The following ADD2 variants were observed in gnomAD, a reference collection of about 807,000 sequenced individuals.
The protein encoded by ADD2 is beta-adducin.
Under a neutral mutation model 83.0 loss-of-function variants are expected in ADD2, and 23 were observed. The observed-to-expected ratio is 0.28, with a 90% CI of 0.20 to 0.39. The LOEUF is 0.39. Ranked by LOEUF, ADD2 falls within the 10% of genes least tolerant of loss-of-function variation. The pLI is 1.00. For missense variants in ADD2, 758 were observed against 944.9 expected, an observed-to-expected ratio of 0.80 and a Z score of 2.59; for synonymous variants, 375 against 375.4, an observed-to-expected ratio of 1.00 and a Z score of 0.01.
At chr2:70,747,007 A>ATTTTTTTTTTTTTTTT (rs34113265) in intron 1 of ADD2, among the ~76,000 whole-genome samples, 1 of 121,226 alleles carries the variant, frequency 8.2e-6, no homozygotes. Flanking sequence ...TCCAATATGG[A>ATTTTTTTTTTTTTTTT]TTTTTTTTTT....
intron 9 of ADD2, among the ~76,000 whole-genome samples, chr2:70,685,564 G>A (rs549804084): frequency 1.1e-4 from 17 of 152,248 alleles, no homozygotes; most frequent in Middle Eastern, 3.4e-3. Flanking sequence ...CTTACCAACT[G>A]TGTGACTTTT....
At chr2:70,667,749 G>T (rs575197092) in intron 15 of ADD2, among the ~76,000 whole-genome samples, 6 of 152,218 alleles carry the variant, frequency 3.9e-5, no homozygotes, top group African/African-American at 1.2e-4. Context: ...CTCCCGAGTA[G>T]CTGGGATTAC....
In ADD2 at chr2:70,657,180, G is replaced by A. The variant is rs1675388411; in HGVS notation, c.*6245C>T. ...GGCCGGCATTTCAGTAGCAGAAAGAGTATTTACATGGAACCCCTATTTGAA... is the reference window on the plus strand; with the variant it reads ...GGCCGGCATTTCAGTAGCAGAAAGAATATTTACATGGAACCCCTATTTGAA... On this transcript the variant is annotated 3_prime_UTR_variant, in exon 16 of 16. Coordinates refer to ENST00000264436, the MANE Select transcript of ADD2 (RefSeq NM_001617.4). 2 of 152,100 alleles carry A rather than the reference G, an allele frequency of 1.3e-5. No individual in the cohort carries two copies. The highest frequency in any genetic ancestry group is 2.9e-5 in the Non-Finnish European group (2 of 68,020). 9.4% of individuals were successfully genotyped at this position (152,100 alleles called of 1,614,324 possible).
intron 1 of ADD2, among the ~76,000 whole-genome samples, chr2:70,715,943 G>T (rs1415018709): frequency 2.0e-5 from 3 of 151,964 alleles, no homozygotes; most frequent in Non-Finnish European, 4.4e-5. Context: ...ATGATCTCTG[G>T]TCCACAGTCC....
At chr2:70,738,577 A>C (rs1673708907) in intron 1 of ADD2, among the ~76,000 whole-genome samples, 2 of 152,236 alleles carry the variant, frequency 1.3e-5, no homozygotes, top group Admixed American at 1.3e-4. Flanking sequence ...CTACTCCTTG[A>C]GAGGCCACAG....
At chr2:70,752,120 G>A (rs1553383033) in intron 1 of ADD2, among the ~76,000 whole-genome samples, 2 of 152,090 alleles carry the variant, frequency 1.3e-5, no homozygotes, top group African/African-American at 2.4e-5. Flanking sequence ...TTTGCCAATG[G>A]ACATTTGCAA....
intron 13 of ADD2, 111 bp from the exon 14 acceptor site, chr2:70,674,936 G>A (rs868925858): frequency 2.5e-5 from 37 of 1,453,172 alleles, no homozygotes; most frequent in Middle Eastern, 4.6e-4. Flanking sequence ...TAGGGACAGC[G>A]TGGCATGCAG....
In ADD2 at chr2:70,692,435, T is replaced by C. The variant is rs200730724; in HGVS notation, c.673A>G (p.Ile225Val). 15 of 1,605,924 alleles carry C rather than the reference T, an allele frequency of 9.3e-6. No individual in the cohort carries two copies. The highest frequency in any genetic ancestry group is 9.0e-5 in the East Asian group (4 of 44,676). Residue 225 changes from isoleucine (I) to valine (V), a missense_variant, in exon 7 of 16, where the codon ATC becomes GTC. Physicochemically the swap from Ile to Val is conservative, Grantham distance 29. Coordinates refer to ENST00000264436, the MANE Select transcript of ADD2 (RefSeq NM_001617.4). ...IYAARPDVRCIIHLHTPATAA... is the reference protein window; with the variant it reads ...IYAARPDVRCVIHLHTPATAA... ...GTGGCCGGTGTGTGCAGGTGGATGA[T>C]GCAGCGCACGTCGGGCCTCGCTGCA...
At chr2:70,748,129 C>G (rs1553382361) in intron 1 of ADD2, among the ~76,000 whole-genome samples, 1 of 152,002 alleles carries the variant, frequency 6.6e-6, no homozygotes. Context: ...ATGGCACAAC[C>G]TCCATATAGT....
At chr2:70,683,210 G>A (rs558622570) in intron 10 of ADD2, among the ~76,000 whole-genome samples, 105 of 151,064 alleles carry the variant, frequency 7.0e-4, no homozygotes, top group African/African-American at 2.5e-3. Flanking sequence ...TTTTTTTTTA[G>A]TAGAGACAGT....
Position 70,676,714 on chromosome 2 carries a change from G to A in ADD2, c.1593+82C>T, listed in dbSNP as rs1208024162. On this transcript the variant is annotated intron_variant, in intron 13 of 15. Coordinates refer to ENST00000264436, the MANE Select transcript of ADD2 (RefSeq NM_001617.4). This position sits in a 1 kb window ranked among gnomAD's most constrained non-coding sequence, Gnocchi z 4.8. The stretch of plus-strand genomic sequence containing the variant: ...GGGAAGGTGGGTATGAGGACTCAGG[G>A]GTCCTGCAACCCAGCCCCAGGCACA... 1 of 1,590,706 alleles carries A rather than the reference G, an allele frequency of 6.3e-7. No individual in the cohort carries two copies. Among genetic ancestry groups the A allele is most frequent in the Non-Finnish European group, 8.6e-7 (1 of 1,167,420 alleles).
intron 5 of ADD2, 104 bp downstream of exon 5, chr2:70,696,141 G>T: frequency 6.9e-7 from 1 of 1,453,432 alleles, no homozygotes; most frequent in Non-Finnish European, 9.3e-7. Context: ...TTTAGCCAAA[G>T]GTCACCAGCA....
intron 15 of ADD2, among the ~76,000 whole-genome samples, chr2:70,664,347 C>A (rs1675668789): frequency 6.6e-6 from 1 of 152,146 alleles, no homozygotes; most frequent in African/African-American, 2.4e-5. Context: ...CACTGGGGCC[C>A]CCAGGTCTTT....
chr2:70,711,937 T>C (rs1672198747), intron 2 of ADD2, among the ~76,000 whole-genome samples: 1 of 152,156 alleles, frequency 6.6e-6, no homozygotes, highest in Non-Finnish European at 1.5e-5. Flanking sequence ...GGGATGGTCA[T>C]ATTGGTGACC....
rs1247596102 is a variant in ADD2 at position 70,661,689 on chromosome 2, A to T, written c.*1736T>A. On this transcript the variant is annotated 3_prime_UTR_variant, in exon 16 of 16. Coordinates refer to ENST00000264436, the MANE Select transcript of ADD2 (RefSeq NM_001617.4). ...TTGACCAGGAACTTCACGTGCAGTG[A>T]TGAGGATGAGCACAGGGTGTTCCCT... 1.3e-5 allele frequency: 2 copies of T among 152,250 alleles called. No homozygotes were observed. The highest frequency in any genetic ancestry group is 4.8e-5 in the African/African-American group (2 of 41,442). The allele number at this position is 152,250 out of a possible 1,614,324, so 9.4% of individuals were successfully genotyped here.
Position 70,717,313 on chromosome 2 carries a change from C to T in ADD2, c.-153-4129G>A, listed in dbSNP as rs1386598872. ...AGTATGAAATCACATTTCTATGGAT[C>T]GTTCCTTGTGGCTATAAGAGAAACA... On this transcript the variant is annotated intron_variant, in intron 1 of 15. Coordinates refer to ENST00000264436, the MANE Select transcript of ADD2 (RefSeq NM_001617.4). Among the ~76,000 whole-genome samples the T allele has an allele frequency of 3.9e-5, 6 of 152,316 alleles. 1 individual carries two copies. The South Asian group carries it at 1.0e-3, about 26-fold the overall frequency.
intron 15 of ADD2, among the ~76,000 whole-genome samples, chr2:70,668,736 A>C (rs782015248): frequency 2.0e-5 from 3 of 152,156 alleles, no homozygotes; most frequent in Non-Finnish European, 2.9e-5. Flanking sequence ...ACCTTGCATA[A>C]TTGAAGGAGC....
chr2:70,690,448 C>G (rs1553371327), intron 8 of ADD2, among the ~76,000 whole-genome samples: 1 of 151,858 alleles, frequency 6.6e-6, no homozygotes, highest in Non-Finnish European at 1.5e-5. Context: ...TAAATTATAG[C>G]ACAACTATTC....
chr2:70,706,554 C>G lies in ADD2; in HGVS notation c.-34-112G>C, dbSNP rs1350459137. ...GGATTCTCAGTGGGGTACGGCTGTT[C>G]CTAGGATGGTAGAGGCAGAGCCTGG... On this transcript the variant is annotated intron_variant, in intron 2 of 15. Coordinates refer to ENST00000264436, the MANE Select transcript of ADD2 (RefSeq NM_001617.4). This position sits in a 1 kb window ranked among gnomAD's most constrained non-coding sequence, Gnocchi z 5.0. The G allele has an allele frequency of 1.8e-5, 18 of 1,009,220 alleles. No individual in the cohort carries two copies. The highest frequency in any genetic ancestry group is 2.2e-5 in the Non-Finnish European group (16 of 715,482). 62.5% of individuals were successfully genotyped at this position (1,009,220 alleles called of 1,614,324 possible). A position where few individuals can be genotyped will look rare whatever the true frequency, so the allele number is the denominator to read the frequency against.
Sources: gnomAD v4.1 joint callset for allele counts (sites outside exome capture counted in the v4.1 genomes callset) on GRCh38, gnomAD v4.1.1 for gene constraint, Gnocchi (gnomAD v3.1) non-coding constraint, MANE v1.5 for transcripts, NCBI Gene and HGNC (gene_info 2026-07-23, HGNC 2026-07-21) for gene names.